The following HAS2 variants were observed in gnomAD, a reference collection of about 807,000 sequenced individuals.
HAS2 encodes the protein HA synthase 2.
Under a neutral mutation model 51.6 loss-of-function variants are expected in HAS2, and 16 were observed. The ratio of observed to expected loss-of-function variants is 0.31; its 90% CI spans 0.21 to 0.47. The LOEUF (loss-of-function observed/expected upper bound fraction) is 0.47, where lower values mean the gene tolerates loss of function less well. HAS2 is among the 20% of genes least tolerant of loss of function. The pLI is 1.00. For missense variants in HAS2, 361 were observed against 662.6 expected (o/e 0.54, Z 5.00); for synonymous variants, 228 against 235.5 (o/e 0.97, Z 0.29).
rs1240320617 is a variant in HAS2, at chr8:121,641,182, G to GTTTTT, written c.-331_-330insAAAAA. ...TCTTTTTTTTTTTTTTTTTTTTTTG[G>GTTTTT]GCTTCAGTCTTTCTGCCCCCGATAA... On this transcript the variant is annotated 5_prime_UTR_variant, in exon 1 of 4. Coordinates refer to ENST00000303924, the MANE Select transcript of HAS2 (RefSeq NM_005328.3). The GTTTTT allele has an allele frequency of 2.5e-4, 12 of 48,846 alleles. No individual in the cohort carries two copies. The highest frequency in any genetic ancestry group is 7.6e-4 in the Admixed American group (2 of 2,642). 3.0% of individuals were successfully genotyped at this position (48,846 alleles called of 1,614,324 possible).
At chr8:121,638,265 AAC>A (rs1360342883) in intron 1 of HAS2, among the ~76,000 whole-genome samples, 1 of 152,250 alleles carries the variant, frequency 6.6e-6, no homozygotes, top group African/African-American at 2.4e-5. Flanking sequence ...ACTTTCTAGT[AAC>A]AGTTTCTTAT....
rs764565381 is a variant in HAS2 at position 121,614,841 on chromosome 8, A to G, written c.927T>C (p.Cys309=). 7 of 1,614,088 alleles carry G rather than the reference A, an allele frequency of 4.3e-6. No homozygotes were observed. In the East Asian group the frequency reaches 1.1e-4, roughly 26 times the overall value. ...WYNQEFMGNQ[C]SFGDDRHLTN... is the part of the protein sequence containing the mutation. ...TGAGATGCCTGTCATCACCAAAGCTACATTGGTTGCCCATAAATTCTTGAT... is the reference window on the plus strand; with the variant it reads ...TGAGATGCCTGTCATCACCAAAGCTGCATTGGTTGCCCATAAATTCTTGAT... The change falls in exon 4 of 4, where the codon TGT becomes TGC. Residue 309 remains cysteine, a synonymous_variant. Transcript: ENST00000303924. This position sits in a 1 kb window ranked among gnomAD's most constrained non-coding sequence, Gnocchi z 7.2.
Position 121,614,688 on chromosome 8 carries a change from T to C in HAS2, c.1080A>G (p.Arg360=). ...QQTRWSKSYF[R]EWLYNAMWFH... is the part of the protein sequence containing the mutation. ...ACCACATTGCATTGTACAGCCATTC[T>C]CGGAAGTAGGACTTGCTCCAACGGG... The change falls in exon 4 of 4, where the codon CGA becomes CGG. Residue 360 remains arginine (R), a synonymous_variant. Transcript: ENST00000303924. This position sits in a 1 kb window ranked among gnomAD's most constrained non-coding sequence, Gnocchi z 7.2. 6.2e-7 allele frequency: 1 copy of C among 1,614,236 alleles called. No homozygotes were observed. The highest frequency in any genetic ancestry group is 8.5e-7 in the Non-Finnish European group (1 of 1,180,038).
chr8:121,636,258 C>T (rs748586637), intron 1 of HAS2, among the ~76,000 whole-genome samples: 4 of 152,120 alleles, frequency 2.6e-5, no homozygotes, highest in Admixed American at 6.5e-5. Flanking sequence ...ATGTGTATTC[C>T]CTCTGCTACT....
intron 2 of HAS2, among the ~76,000 whole-genome samples, chr8:121,620,581 G>A (rs187295865): frequency 6.6e-6 from 1 of 152,338 alleles, no homozygotes. Flanking sequence ...ATATGGAAAT[G>A]AAGCAAGTCA....
intron 2 of HAS2, among the ~76,000 whole-genome samples, chr8:121,623,733 A>G (rs1175428795): frequency 1.3e-5 from 2 of 152,190 alleles, no homozygotes; most frequent in African/African-American, 2.4e-5. Flanking sequence ...CATAGCAGGT[A>G]AACAACAAAG....
chr8:121,614,227 A>G lies in HAS2; in HGVS notation c.1541T>C (p.Val514Ala), dbSNP rs1812672888. The G allele has an allele frequency of 6.2e-7, 1 of 1,614,190 alleles. No homozygotes were observed. Among genetic ancestry groups the G allele is most frequent in the East Asian group, 2.2e-5 (1 of 44,872 alleles). ...ATAGCATGCATAGAGCAACGTTCCA[A>G]CAATTAGAACTGTCTGTTTGGATTC... The part of the protein sequence containing the change: ...FSESKQTVLI[V>A]GTLLYACYWV... The change falls in exon 4 of 4, where the codon GTT becomes GCT. Residue 514 changes from valine to alanine, a missense_variant. Transcript: ENST00000303924. The surrounding 1 kb of genome is among the most constrained non-coding windows in gnomAD (Gnocchi z 7.2).
chr8:121,613,760 T>C lies in HAS2; in HGVS notation c.*349A>G, dbSNP rs1812666385. The C allele has an allele frequency of 3.8e-6, 1 of 263,012 alleles. No individual in the cohort carries two copies. Among genetic ancestry groups the C allele is most frequent in the Non-Finnish European group, 7.4e-6 (1 of 134,984 alleles). The allele number at this position is 263,012 out of a possible 1,614,324, so 16.3% of individuals were successfully genotyped here. ...GTTAGGTTGTATAGGTTGAAAGAAC[T>C]TTTCCTTGAGTTTCCAAAATCCTTT... is the stretch of plus-strand genomic sequence containing the variant. On this transcript the variant is annotated 3_prime_UTR_variant, in exon 4 of 4. Coordinates refer to ENST00000303924, the MANE Select transcript of HAS2 (RefSeq NM_005328.3).
intron 2 of HAS2, among the ~76,000 whole-genome samples, chr8:121,620,151 T>C (rs1203916809): frequency 2.0e-5 from 3 of 152,170 alleles, no homozygotes; most frequent in African/African-American, 4.8e-5. Context: ...AGCTTTAAAA[T>C]TTTTCAACTA....
chr8:121,618,963 TA>T (rs548278264), intron 2 of HAS2, among the ~76,000 whole-genome samples: 197 of 144,792 alleles, frequency 1.4e-3, no homozygotes, highest in South Asian at 9.3e-3. Flanking sequence ...GTTTTGAATT[TA>T]AAAAAAAAAA....
At position 121,628,720 on chromosome 8, in the gene HAS2, A is replaced by G. The variant is rs368898469; in HGVS notation, c.621T>C (p.Tyr207=). 20 of 1,613,400 alleles carry G rather than the reference A, an allele frequency of 1.2e-5. No homozygotes were observed. The highest frequency in any genetic ancestry group is 1.6e-5 in the Non-Finnish European group (19 of 1,179,616). The change falls in exon 2 of 4, where the codon TAT becomes TAC. Residue 207 remains tyrosine (Y), a synonymous_variant. Coordinates refer to ENST00000303924, the MANE Select transcript of HAS2 (RefSeq NM_005328.3). The part of the protein sequence containing the change: ...AFRALGRSVD[Y]VQVCDSDTML... ...CAGGAATGTGGAGACCTACCTGTACATAATCCACACTTCGTCCCAGTGCTC... is the reference window on the plus strand; with the variant it reads ...CAGGAATGTGGAGACCTACCTGTACGTAATCCACACTTCGTCCCAGTGCTC...
At chr8:121,629,506 G>A (rs1319867011) in intron 1 of HAS2, among the ~76,000 whole-genome samples, 166 bp from the exon 2 acceptor site, 5 of 152,124 alleles carry the variant, frequency 3.3e-5, no homozygotes, top group Non-Finnish European at 5.9e-5. Context: ...TTGCTCATCT[G>A]CAAAACAGGG....
Position 121,612,729 on chromosome 8 carries a change from T to C in HAS2, c.*1380A>G, listed in dbSNP as rs771968898. 1 of 152,168 alleles carries C rather than the reference T, an allele frequency of 6.6e-6. No individual in the cohort carries two copies. Among genetic ancestry groups the C allele is most frequent in the Non-Finnish European group, 1.5e-5 (1 of 68,020 alleles). 9.4% of individuals were successfully genotyped at this position (152,168 alleles called of 1,614,324 possible). The stretch of plus-strand genomic sequence containing the variant: ...CATTGATATACTTATTAAACCTTGA[T>C]GTCACTTCTACTGTGTAGACATTTT... On this transcript the variant is annotated 3_prime_UTR_variant, in exon 4 of 4. Transcript: ENST00000303924.
chr8:121,637,614 C>G (rs949086407), intron 1 of HAS2, among the ~76,000 whole-genome samples: 2 of 152,178 alleles, frequency 1.3e-5, no homozygotes, highest in African/African-American at 2.4e-5. Flanking sequence ...TGGTCTTGAA[C>G]TTCTGACCTC....
chr8:121,620,323 G>A (rs1172096183), intron 2 of HAS2, among the ~76,000 whole-genome samples: 1 of 152,120 alleles, frequency 6.6e-6, no homozygotes, highest in Non-Finnish European at 1.5e-5. Context: ...AGGCTTTCTA[G>A]CCATCTCCTC....
At chr8:121,621,215 T>C (rs539239250) in intron 2 of HAS2, among the ~76,000 whole-genome samples, 5 of 152,330 alleles carry the variant, frequency 3.3e-5, no homozygotes, top group Middle Eastern at 3.4e-3. Context: ...TGAAGCCCAA[T>C]TTTAATTTAG....
chr8:121,637,761 C>A (rs1184087018), intron 1 of HAS2, among the ~76,000 whole-genome samples: 2 of 152,130 alleles, frequency 1.3e-5, no homozygotes, highest in African/African-American at 4.8e-5. Context: ...GATAAAATAC[C>A]AAGTTGGGGT....
intron 2 of HAS2, among the ~76,000 whole-genome samples, chr8:121,618,220 A>G (rs1812732097): frequency 6.6e-6 from 1 of 152,218 alleles, no homozygotes. Context: ...TATTACCTGT[A>G]TGCTTACAAA....
chr8:121,622,759 T>C (rs1010774939), intron 2 of HAS2, among the ~76,000 whole-genome samples: 1 of 152,108 alleles, frequency 6.6e-6, no homozygotes, highest in African/African-American at 2.4e-5. Context: ...TTCTAAGACT[T>C]TATCAAGATT....
Sources: gnomAD v4.1 joint callset for allele counts (sites outside exome capture counted in the v4.1 genomes callset) on GRCh38, gnomAD v4.1.1 for gene constraint, Gnocchi (gnomAD v3.1) non-coding constraint, MANE v1.5 for transcripts, NCBI Gene and HGNC (gene_info 2026-07-23, HGNC 2026-07-21) for gene names.